The following PRMT3 variants were observed in gnomAD, a reference collection of about 807,000 sequenced individuals.
PRMT3 encodes the protein protein arginine methyltransferase 3, also known as protein arginine N-methyltransferase 3.
A neutral mutation model predicts 71.9 loss-of-function variants in PRMT3; 62 were observed. That is an observed-to-expected ratio of 0.86 (90% CI 0.70 to 1.07). The LOEUF is 1.07. Ranked by LOEUF, PRMT3 falls within the 50% of genes least tolerant of loss-of-function variation. The pLI, the probability that PRMT3 is intolerant of heterozygous loss-of-function variation, is 0.00. For missense variants in PRMT3, 663 were observed against 643.0 expected, an observed-to-expected ratio of 1.03 and a Z score of -0.34; for synonymous variants, 213 against 220.4, an observed-to-expected ratio of 0.97 and a Z score of 0.30.
At chr11:20,409,583 A>C (rs1456851841) in intron 9 of PRMT3, among the ~76,000 whole-genome samples, 2 of 151,740 alleles carry the variant, frequency 1.3e-5, no homozygotes, top group Non-Finnish European at 2.9e-5. Context: ...TAATGGAAAA[A>C]TTGCCCTGAA....
intron 10 of PRMT3, among the ~76,000 whole-genome samples, chr11:20,431,024 C>T (rs976247659): frequency 6.6e-6 from 1 of 152,052 alleles, no homozygotes; most frequent in Non-Finnish European, 1.5e-5. Flanking sequence ...TCCCTAATTC[C>T]GACTCAGTAA....
intron 13 of PRMT3, 56 bp downstream of exon 13, chr11:20,464,602 G>A (rs1850465533): frequency 1.9e-6 from 3 of 1,593,464 alleles, no homozygotes; most frequent in Non-Finnish European, 2.6e-6. Flanking sequence ...TTGATTGGCA[G>A]GCTAATGAGT....
chr11:20,451,305 G>GA (rs544769568), intron 10 of PRMT3, among the ~76,000 whole-genome samples: 17 of 144,764 alleles, frequency 1.2e-4, no homozygotes, highest in Middle Eastern at 3.5e-3. Context: ...ATGTTAAATA[G>GA]AAAAAAAAAA....
intron 15 of PRMT3, among the ~76,000 whole-genome samples, chr11:20,502,334 G>T (rs1851478131): frequency 6.6e-6 from 1 of 152,190 alleles, no homozygotes; most frequent in Admixed American, 6.5e-5. Context: ...TGTGAATTAT[G>T]TATTTATTAC....
chr11:20,459,909 T>TA (rs1850345572), intron 11 of PRMT3, among the ~76,000 whole-genome samples: 1 of 152,228 alleles, frequency 6.6e-6, no homozygotes, highest in Non-Finnish European at 1.5e-5. Context: ...CCAGAGGCTT[T>TA]ACCTGTTTGT....
chr11:20,411,243 CTCTG>C (rs1193679564), intron 9 of PRMT3, among the ~76,000 whole-genome samples: 1 of 151,998 alleles, frequency 6.6e-6, no homozygotes, highest in Non-Finnish European at 1.5e-5. Flanking sequence ...GATAAGGATC[CTCTG>C]TCTGTAATCA....
chr11:20,506,411 T>G lies in PRMT3; in HGVS notation c.1487-1893T>G, dbSNP rs151254981. On this transcript the variant is annotated intron_variant, in intron 15 of 15. Transcript: ENST00000331079. Reference sequence around the variant, plus strand: ...ATATATACGTACACAAAAATTGTTATATTTTGTTGAATGGATTGCACCTTG... The same window carrying G: ...ATATATACGTACACAAAAATTGTTAGATTTTGTTGAATGGATTGCACCTTG... 3.3e-3 allele frequency among the ~76,000 whole-genome samples: 499 copies of G among 151,960 alleles called. 9 individuals carry two copies. In the Middle Eastern group the frequency reaches 0.037, roughly 11 times the overall value.
chr11:20,387,910 G>A lies in PRMT3; in HGVS notation c.29-109G>A. 6.4e-7 allele frequency: 1 copy of A among 1,569,406 alleles called. No homozygotes were observed. The highest frequency in any genetic ancestry group is 8.6e-7 in the Non-Finnish European group (1 of 1,156,508). ...AGGGATCATGAAGGAGGTGCTGAGT[G>A]AGGGCCGCGGGCGAACGGGGCGGAG... On this transcript the variant is annotated intron_variant, in intron 1 of 15. Transcript: ENST00000331079. The surrounding 1 kb of genome is among the most constrained non-coding windows in gnomAD (Gnocchi z 4.3).
At position 20,388,119 on chromosome 11, in the gene PRMT3, C is replaced by T. The variant is rs1565188932; in HGVS notation, c.129C>T (p.His43=). 2 of 1,614,030 alleles carry T rather than the reference C, an allele frequency of 1.2e-6. No individual in the cohort carries two copies. Among genetic ancestry groups the T allele is most frequent in the Non-Finnish European group, 1.7e-6 (2 of 1,179,998 alleles). Residue 43 remains histidine, a synonymous_variant, in exon 2 of 16, where the codon CAC becomes CAT. Coordinates refer to ENST00000331079, the MANE Select transcript of PRMT3 (RefSeq NM_005788.4). ...ATGAGGACGATGCAGATCTCCCCCA[C>T]GGCAAGCAGCAGACCCCCTGCCTGT... ...WEDEDDADLP[H]GKQQTPCLFC...
intron 13 of PRMT3, 137 bp downstream of exon 13, chr11:20,464,683 C>G: frequency 7.3e-7 from 1 of 1,361,142 alleles, no homozygotes; most frequent in South Asian, 1.6e-5. Context: ...TTTGCTAGGC[C>G]ATTGAACAGA....
chr11:20,421,702 G>A (rs1018578481), intron 9 of PRMT3, among the ~76,000 whole-genome samples: 2 of 151,962 alleles, frequency 1.3e-5, no homozygotes, highest in Non-Finnish European at 2.9e-5. Context: ...TTGAGTCCTT[G>A]GTTATTTTTT....
intron 15 of PRMT3, among the ~76,000 whole-genome samples, chr11:20,498,574 C>CA (rs1356504531): frequency 1.3e-5 from 2 of 151,908 alleles, no homozygotes; most frequent in Non-Finnish European, 2.9e-5. Context: ...ACTCAAAATA[C>CA]AAAAAATTAG....
intron 11 of PRMT3, among the ~76,000 whole-genome samples, chr11:20,456,759 G>C (rs1462404417): frequency 1.3e-5 from 2 of 152,128 alleles, no homozygotes; most frequent in East Asian, 3.8e-4. Flanking sequence ...GAAGGGATTG[G>C]ATTGAATGAA....
intron 13 of PRMT3, among the ~76,000 whole-genome samples, chr11:20,487,861 C>T (rs1417381289): frequency 6.6e-6 from 1 of 152,112 alleles, no homozygotes. Flanking sequence ...TTTGAAATTA[C>T]AAGGAAGCAA....
At chr11:20,398,955 C>T (rs1271143302) in intron 7 of PRMT3, among the ~76,000 whole-genome samples, 2 of 152,058 alleles carry the variant, frequency 1.3e-5, no homozygotes, top group African/African-American at 4.8e-5. Context: ...CGGTAATATC[C>T]ATATAAAATA....
rs1235896953 is a variant in PRMT3, at chr11:20,464,537, C to T, written c.1338C>T (p.Ser446=). 3 of 1,611,308 alleles carry T rather than the reference C, an allele frequency of 1.9e-6. No homozygotes were observed. Among genetic ancestry groups the T allele is most frequent in the Admixed American group, 1.7e-5 (1 of 59,578 alleles). ...TTACCCTGAAAATCACAAGGACATCCATGTGCACGGTAAGCTATTTCATTC... is the reference window on the plus strand; with the variant it reads ...TTACCCTGAAAATCACAAGGACATCTATGTGCACGGTAAGCTATTTCATTC... ...SDFTLKITRT[S]MCTAIAGYFD... The change falls in exon 13 of 16, where the codon TCC becomes TCT. Residue 446 remains serine, a synonymous_variant. Coordinates refer to ENST00000331079, the MANE Select transcript of PRMT3 (RefSeq NM_005788.4).
At chr11:20,474,111 C>T (rs1286724300) in intron 13 of PRMT3, among the ~76,000 whole-genome samples, 3 of 152,178 alleles carry the variant, frequency 2.0e-5, no homozygotes, top group African/African-American at 4.8e-5. Flanking sequence ...GAACTGCACC[C>T]GTACGAGGTG....
intron 10 of PRMT3, among the ~76,000 whole-genome samples, chr11:20,429,312 T>G (rs1379523712): frequency 1.3e-5 from 2 of 152,182 alleles, no homozygotes; most frequent in African/African-American, 2.4e-5. Context: ...TGTGAGAATC[T>G]AATGCCACTG....
intron 10 of PRMT3, among the ~76,000 whole-genome samples, chr11:20,433,095 T>TA (rs920013842): frequency 4.6e-5 from 7 of 152,144 alleles, no homozygotes; most frequent in African/African-American, 1.7e-4. Context: ...ACAGGTTTGT[T>TA]ATTTAGGTAA....
Sources: allele counts gnomAD v4.1 joint callset (sites outside exome capture counted in the v4.1 genomes callset), GRCh38; gene constraint gnomAD v4.1.1; non-coding constraint Gnocchi (gnomAD v3.1); transcripts MANE v1.5; gene names NCBI Gene and HGNC (gene_info 2026-07-23, HGNC 2026-07-21).